The following DRG2 variants were observed in gnomAD, a reference collection of about 807,000 sequenced individuals.
The protein encoded by DRG2 is developmentally-regulated GTP-binding protein 2.
DRG2 carries 36 observed loss-of-function variants against 53.4 expected under a neutral mutation model. The ratio of observed to expected loss-of-function variants is 0.67; its 90% CI spans 0.52 to 0.89. The LOEUF (loss-of-function observed/expected upper bound fraction) is 0.89. Among genes scored for constraint, DRG2 ranks in the 40% least tolerant of loss-of-function variants. The pLI is 0.00. For synonymous variants in DRG2, 167 were observed against 192.1 expected (o/e 0.87, Z 1.08); for missense variants, 342 against 481.2 (o/e 0.71, Z 2.71).
At chr17:18,088,232 C>A in intron 1 of DRG2, 145 bp downstream of exon 1, 1 of 1,054,520 alleles carries the variant, frequency 9.5e-7, no homozygotes, top group Non-Finnish European at 1.3e-6. Flanking sequence ...CCGCCCTGCG[C>A]GCCCAAGGCA....
chr17:18,102,174 G>A (rs1028883063), intron 9 of DRG2, among the ~76,000 whole-genome samples, 177 bp downstream of exon 9: 1 of 152,218 alleles, frequency 6.6e-6, no homozygotes, highest in Non-Finnish European at 1.5e-5. Context: ...TGTCCATGAG[G>A]CCAAGGAGAC....
At position 18,099,105 on chromosome 17, in the gene DRG2, G is replaced by A. The variant is rs1215181817; in HGVS notation, c.376+28G>A. 1.2e-6 allele frequency: 2 copies of A among 1,613,530 alleles called. No individual in the cohort carries two copies. The highest frequency in any genetic ancestry group is 1.7e-6 in the Non-Finnish European group (2 of 1,179,922). ...GGGAGGCAGGGCAGGTGTGTGGGAA[G>A]CAGACTGGAGCTCTGTTACTGATCG... On this transcript the variant is annotated intron_variant, in intron 4 of 12. Transcript: ENST00000225729. This position sits in a 1 kb window ranked among gnomAD's most constrained non-coding sequence, Gnocchi z 4.4.
At position 18,098,474 on chromosome 17, in the gene DRG2, C is replaced by G; in HGVS notation, c.315+115C>G. The G allele has an allele frequency of 1.1e-6, 1 of 910,178 alleles. No homozygotes were observed. Among genetic ancestry groups the G allele is most frequent in the Non-Finnish European group, 1.8e-6 (1 of 564,898 alleles). The allele number at this position is 910,178 out of a possible 1,614,324, so 56.4% of individuals were successfully genotyped here. A position where few individuals can be genotyped will look rare whatever the true frequency, so the allele number is the denominator to read the frequency against. On this transcript the variant is annotated intron_variant, in intron 3 of 12. Coordinates refer to ENST00000225729, the MANE Select transcript of DRG2 (RefSeq NM_001388.5). This position sits in a 1 kb window ranked among gnomAD's most constrained non-coding sequence, Gnocchi z 4.1. ...GGATGTCCCCATGTCAGGACAGGCT[C>G]TGGACTGAGCTGCTTTGCCCTCCAG...
intron 1 of DRG2, among the ~76,000 whole-genome samples, chr17:18,090,381 TATATATATATATATATATA>T (rs1567597906): frequency 0.015 from 262 of 17,616 alleles, 37 homozygotes; most frequent in South Asian, 0.038. Context: ...TATATATATA[TATATATATATATATATATA>T]TATATATTTT....
At chr17:18,102,050 CCA>C in intron 9 of DRG2, 53 bp downstream of exon 9, 1 of 1,564,702 alleles carries the variant, frequency 6.4e-7, no homozygotes, top group Middle Eastern at 1.7e-4. Context: ...GGTTCTGACC[CCA>C]GTCGTCAGGC....
intron 11 of DRG2, 32 bp from the exon 12 acceptor site, chr17:18,106,401 A>T (rs1461901702): frequency 6.2e-7 from 1 of 1,613,356 alleles, no homozygotes; most frequent in Admixed American, 1.7e-5. Context: ...GTGAAGCCTC[A>T]CCTCTCTACC....
chr17:18,099,906 A>C lies in DRG2; in HGVS notation c.467+183A>C. 1 of 652,254 alleles carries C rather than the reference A, an allele frequency of 1.5e-6. No homozygotes were observed. The highest frequency in any genetic ancestry group is 1.8e-5 in the African/African-American group (1 of 55,168). The allele number at this position is 652,254 out of a possible 1,614,324, so 40.4% of individuals were successfully genotyped here. ...CGTCTTCTCCTCAAGGCTTGTGTCC[A>C]GCCAGCACAGAGGTATCTTGGGACT... is the stretch of plus-strand genomic sequence containing the variant. On this transcript the variant is annotated intron_variant, in intron 5 of 12. Transcript: ENST00000225729. The surrounding 1 kb of genome is among the most constrained non-coding windows in gnomAD (Gnocchi z 4.4).
rs573050290 is a variant in DRG2 at position 18,103,165 on chromosome 17, A to G, written c.807-636A>G. ...GGGGCTGCCATCCTCAGGGCGTGAG[A>G]GCTTCTACACCTTTACCTGCTTGTG... is the stretch of plus-strand genomic sequence containing the variant. On this transcript the variant is annotated intron_variant, in intron 9 of 12. Coordinates refer to ENST00000225729, the MANE Select transcript of DRG2 (RefSeq NM_001388.5). The surrounding 1 kb of genome is among the most constrained non-coding windows in gnomAD (Gnocchi z 4.4). 6.6e-6 allele frequency among the ~76,000 whole-genome samples: 1 copy of G among 152,198 alleles called. No homozygotes were observed. Among genetic ancestry groups the G allele is most frequent in the Non-Finnish European group, 1.5e-5 (1 of 67,976 alleles).
rs112916480 is a variant in DRG2 at position 18,106,529 on chromosome 17, A to G, written c.1008+43A>G. 9,047 of 1,608,422 alleles carry G rather than the reference A, an allele frequency of 5.6e-3. 241 individuals are homozygous for G. The East Asian group carries it at 0.089, about 16-fold the overall frequency. Reference sequence around the variant, plus strand: ...AAGCAACCAGGGGGGTAGACCCAGGACAGCCCCTGGGTTAGGCATGAAGCA... The same window carrying G: ...AAGCAACCAGGGGGGTAGACCCAGGGCAGCCCCTGGGTTAGGCATGAAGCA... On this transcript the variant is annotated intron_variant, in intron 12 of 12. Coordinates refer to ENST00000225729, the MANE Select transcript of DRG2 (RefSeq NM_001388.5).
intron 1 of DRG2, among the ~76,000 whole-genome samples, chr17:18,089,844 G>A (rs868173542): frequency 4.6e-5 from 7 of 152,076 alleles, no homozygotes; most frequent in African/African-American, 1.7e-4. Context: ...CTGGGGCTGG[G>A]GTGCAGTGAT....
chr17:18,107,344 C>CTTCCTGGGGTACGTGT lies in DRG2; in HGVS notation c.*104_*105insTTCCTGGGGTACGTGT. On this transcript the variant is annotated 3_prime_UTR_variant, in exon 13 of 13. Coordinates refer to ENST00000225729, the MANE Select transcript of DRG2 (RefSeq NM_001388.5). ...CAGAAAAATACAAATACACGTACCC[C>CTTCCTGGGGTACGTGT]AGGAAGGGGTCCCTCAAGTCTCTGC... 1 of 1,130,802 alleles carries CTTCCTGGGGTACGTGT rather than the reference C, an allele frequency of 8.8e-7. No individual in the cohort carries two copies. The highest frequency in any genetic ancestry group is 1.3e-6 in the Non-Finnish European group (1 of 777,964). 70.0% of individuals were successfully genotyped at this position (1,130,802 alleles called of 1,614,324 possible).
intron 9 of DRG2, 24 bp downstream of exon 9, chr17:18,102,021 C>G (rs1415135381): frequency 6.3e-7 from 1 of 1,598,460 alleles, no homozygotes; most frequent in Non-Finnish European, 8.5e-7. Context: ...CATCCTGCCA[C>G]TCTGCTGTCC....
intron 1 of DRG2, among the ~76,000 whole-genome samples, chr17:18,089,021 T>C (rs981356105): frequency 6.6e-6 from 1 of 152,168 alleles, no homozygotes; most frequent in African/African-American, 2.4e-5. Context: ...TTCAGGCTTG[T>C]GGGAGCAGGA....
chr17:18,099,107 A>C lies in DRG2; in HGVS notation c.376+30A>C, dbSNP rs751614954. On this transcript the variant is annotated intron_variant, in intron 4 of 12. Coordinates refer to ENST00000225729, the MANE Select transcript of DRG2 (RefSeq NM_001388.5). The surrounding 1 kb of genome is among the most constrained non-coding windows in gnomAD (Gnocchi z 4.4). ...GAGGCAGGGCAGGTGTGTGGGAAGC[A>C]GACTGGAGCTCTGTTACTGATCGTT... 2.5e-6 allele frequency: 4 copies of C among 1,613,634 alleles called. No homozygotes were observed. The South Asian group carries it at 3.3e-5, about 13-fold the overall frequency.
intron 1 of DRG2, among the ~76,000 whole-genome samples, chr17:18,090,393 TATATATATA>T (rs1339019824): frequency 1.1e-3 from 17 of 15,266 alleles, no homozygotes; most frequent in African/African-American, 5.5e-3. Context: ...TATATATATA[TATATATATA>T]TATATTTTTT....
At position 18,106,332 on chromosome 17, in the gene DRG2, C is replaced by G; in HGVS notation, c.955-101C>G. On this transcript the variant is annotated intron_variant, in intron 11 of 12. Coordinates refer to ENST00000225729, the MANE Select transcript of DRG2 (RefSeq NM_001388.5). Reference sequence around the variant, plus strand: ...GTGTGGGCACCTGCCGCGGGAACTCCTGCCTCTTGGCCTGTGTCCTGAGCT... The same window carrying G: ...GTGTGGGCACCTGCCGCGGGAACTCGTGCCTCTTGGCCTGTGTCCTGAGCT... The G allele has an allele frequency of 7.2e-6, 10 of 1,389,798 alleles. No homozygotes were observed. The South Asian group carries it at 1.0e-4, about 15-fold the overall frequency. The allele number at this position is 1,389,798 out of a possible 1,614,324, so 86.1% of individuals were successfully genotyped here. A position where few individuals can be genotyped will look rare whatever the true frequency, so the allele number is the denominator to read the frequency against.
chr17:18,102,317 A>G (rs2045551773), intron 9 of DRG2, among the ~76,000 whole-genome samples: 1 of 152,216 alleles, frequency 6.6e-6, no homozygotes, highest in Non-Finnish European at 1.5e-5. Context: ...CCAAGGTTGA[A>G]TGGCTAAGAG....
At position 18,100,269 on chromosome 17, in the gene DRG2, T is replaced by C. The variant is rs539353551; in HGVS notation, c.468-94T>C. ...GGAAGGGGGTGGAGGAGAGAGTCAG[T>C]CTCTGGGTGGGCAGTGACATCCTGC... On this transcript the variant is annotated intron_variant, in intron 5 of 12. Transcript: ENST00000225729. The surrounding 1 kb of genome is among the most constrained non-coding windows in gnomAD (Gnocchi z 4.1). 2.3e-6 allele frequency: 3 copies of C among 1,297,128 alleles called. No homozygotes were observed. Among genetic ancestry groups the C allele is most frequent in the South Asian group, 1.2e-5 (1 of 83,668 alleles). 80.4% of individuals were successfully genotyped at this position (1,297,128 alleles called of 1,614,324 possible).
chr17:18,091,920 T>TAA (rs1230787299), intron 1 of DRG2: 1 of 152,198 alleles, frequency 6.6e-6, no homozygotes, highest in African/African-American at 2.4e-5. Context: ...ATTTGCAGAT[T>TAA]AAGAAACTGA....
Sources: allele counts gnomAD v4.1 joint callset (sites outside exome capture counted in the v4.1 genomes callset), GRCh38; gene constraint gnomAD v4.1.1; non-coding constraint Gnocchi (gnomAD v3.1); transcripts MANE v1.5; gene names NCBI Gene and HGNC (gene_info 2026-07-23, HGNC 2026-07-21).